The following DMD variants were observed in gnomAD, a reference collection of about 807,000 sequenced individuals.
The protein encoded by DMD is mutant dystrophin.
A neutral mutation model predicts 330.1 loss-of-function variants in DMD; 63 were observed. That is an observed-to-expected ratio of 0.19 (90% CI 0.16 to 0.24). The LOEUF is 0.24. Ranked by LOEUF, DMD falls within the 10% of genes least tolerant of loss-of-function variation. The pLI is 1.00. For synonymous variants in DMD, 1,223 were observed against 959.8 expected (o/e 1.27, Z -5.07); for missense variants, 3,344 against 2,684.1 (o/e 1.25, Z -5.43).
chrX:32,675,626 C>A (rs938083458), intron 9 of DMD, among the ~76,000 whole-genome samples: 1 of 111,189 alleles, frequency 9.0e-6, no homozygotes, highest in Non-Finnish European at 1.9e-5. Flanking sequence ...TCATAAAGCT[C>A]TATGTTGTGT....
chrX:32,403,258 A>C (rs2098097256), intron 30 of DMD, among the ~76,000 whole-genome samples: 1 of 112,061 alleles, frequency 8.9e-6, no homozygotes, highest in South Asian at 3.6e-4. Context: ...ATAAGACAAA[A>C]TTGGGAAATA....
chrX:32,842,826 G>A (rs1001088560), intron 4 of DMD, among the ~76,000 whole-genome samples: 2 of 102,658 alleles, frequency 1.9e-5, no homozygotes, highest in Admixed American at 2.1e-4. Flanking sequence ...TTTTTTTTTT[G>A]ATATGGAATC....
chrX:31,529,585 C>T (rs1366059725), intron 55 of DMD, among the ~76,000 whole-genome samples: 2 of 110,652 alleles, frequency 1.8e-5, no homozygotes, highest in Non-Finnish European at 1.9e-5. Flanking sequence ...GTCTGTGACA[C>T]GACGTTCTCT....
chrX:31,231,373 C>T (rs1276946844), intron 63 of DMD, among the ~76,000 whole-genome samples: 3 of 110,971 alleles, frequency 2.7e-5, no homozygotes, highest in African/African-American at 9.8e-5. Context: ...AGTAATACTA[C>T]TGATTAAAAA....
At chrX:31,222,392 CAA>C (rs57227723) in intron 64 of DMD, among the ~76,000 whole-genome samples, 388 of 20,538 alleles carry the variant, frequency 0.019, no homozygotes, top group African/African-American at 0.059. Context: ...GACTCCATCT[CAA>C]AAAAAAAAAA....
intron 17 of DMD, among the ~76,000 whole-genome samples, chrX:32,536,561 A>C (rs1012773181): frequency 8.9e-6 from 1 of 112,243 alleles, no homozygotes; most frequent in East Asian, 2.8e-4. Flanking sequence ...ATTAGTCTGT[A>C]AGAAGAAAAG....
intron 1 of DMD, among the ~76,000 whole-genome samples, chrX:33,317,332 AT>A (rs1330592569): frequency 9.0e-6 from 1 of 111,606 alleles, no homozygotes; most frequent in Non-Finnish European, 1.9e-5. Context: ...TATTAAGTGT[AT>A]ATTATTATAT....
At chrX:31,754,826 T>C (rs1331008130) in intron 51 of DMD, among the ~76,000 whole-genome samples, 1 of 111,462 alleles carries the variant, frequency 9.0e-6, no homozygotes, top group Non-Finnish European at 1.9e-5. Flanking sequence ...ATTTCACTCA[T>C]GATTGAATTG....
At chrX:31,582,658 CTGTA>C (rs2076396028) in intron 55 of DMD, among the ~76,000 whole-genome samples, 1 of 111,438 alleles carries the variant, frequency 9.0e-6, no homozygotes, top group Non-Finnish European at 1.9e-5. Context: ...ACCTTACTCT[CTGTA>C]TGGTAATCTC....
At chrX:32,771,040 G>T (rs1254793410) in intron 7 of DMD, among the ~76,000 whole-genome samples, 1 of 111,618 alleles carries the variant, frequency 9.0e-6, no homozygotes, top group Non-Finnish European at 1.9e-5. Context: ...CAAGTACAAA[G>T]GTCCTGAGGC....
intron 25 of DMD, among the ~76,000 whole-genome samples, chrX:32,457,360 G>A (rs1278093084): frequency 1.8e-5 from 2 of 110,945 alleles, no homozygotes; most frequent in East Asian, 2.8e-4. Context: ...AAAGGGAAAC[G>A]GGAATGGAGA....
intron 17 of DMD, 113 bp downstream of exon 17, chrX:32,545,046 A>G (rs1030473175): frequency 2.8e-6 from 2 of 726,898 alleles, no homozygotes; most frequent in Non-Finnish European, 4.2e-6. Context: ...AACTGACATT[A>G]CAGGTACCCG....
intron 63 of DMD, among the ~76,000 whole-genome samples, chrX:31,231,471 T>G (rs2047196662): frequency 8.9e-6 from 1 of 112,309 alleles, no homozygotes; most frequent in Non-Finnish European, 1.9e-5. Flanking sequence ...ATATTTATTG[T>G]GCATGTACTA....
chrX:33,196,842 T>C (rs1207778801), intron 1 of DMD, among the ~76,000 whole-genome samples: 1 of 111,069 alleles, frequency 9.0e-6, no homozygotes, highest in Non-Finnish European at 1.9e-5. Flanking sequence ...AAATAAATAT[T>C]GGCTTGTCCA....
At chrX:32,117,838 G>T (rs1795601988) in intron 44 of DMD, among the ~76,000 whole-genome samples, 1 of 111,465 alleles carries the variant, frequency 9.0e-6, no homozygotes, top group Non-Finnish European at 1.9e-5. Flanking sequence ...TATGGACCTA[G>T]AAGGATTATC....
intron 63 of DMD, among the ~76,000 whole-genome samples, chrX:31,239,034 C>T (rs987940139): frequency 6.2e-5 from 7 of 112,416 alleles, no homozygotes; most frequent in African/African-American, 2.3e-4. Flanking sequence ...TAGAAACATA[C>T]AGCTGCTTTC....
chrX:32,985,386 T>C (rs1246543209), intron 2 of DMD, among the ~76,000 whole-genome samples: 1 of 112,193 alleles, frequency 8.9e-6, no homozygotes, highest in African/African-American at 3.2e-5. Flanking sequence ...CTCTAAAACT[T>C]ACCAAGTTTC....
intron 76 of DMD, among the ~76,000 whole-genome samples, chrX:31,134,569 T>C (rs764345020): frequency 9.1e-6 from 1 of 110,472 alleles, no homozygotes; most frequent in Non-Finnish European, 1.9e-5. Flanking sequence ...ACTACAGGCA[T>C]GCGCCAACAC....
chrX:31,222,858 G>T (rs903542799), intron 64 of DMD, among the ~76,000 whole-genome samples, 189 bp downstream of exon 64: 5 of 112,218 alleles, frequency 4.5e-5, no homozygotes, highest in Non-Finnish European at 9.4e-5. Flanking sequence ...TGACAGGAAT[G>T]ATTCTAAAAA....
Sources: allele counts gnomAD v4.1 joint callset (sites outside exome capture counted in the v4.1 genomes callset), GRCh38; gene constraint gnomAD v4.1.1; transcripts MANE v1.5; gene names NCBI Gene and HGNC (gene_info 2026-07-23, HGNC 2026-07-21).